The following CHN1 variants were observed in gnomAD, a reference collection of about 807,000 sequenced individuals.
CHN1 encodes the protein chimerin 1.
In CHN1, 37 loss-of-function variants were observed where a neutral mutation model predicts 59.5. The ratio of observed to expected loss-of-function variants is 0.62; its 90% CI spans 0.48 to 0.82. The LOEUF is 0.82. Ranked by LOEUF, CHN1 falls within the 40% of genes least tolerant of loss-of-function variation. The pLI is 0.00. For synonymous variants in CHN1, 206 were observed against 200.4 expected, an observed-to-expected ratio of 1.03 and a Z score of -0.24; for missense variants, 469 against 571.0, an observed-to-expected ratio of 0.82 and a Z score of 1.82.
At chr2:174,997,888 G>A (rs1211106649) in intron 1 of CHN1, among the ~76,000 whole-genome samples, 1 of 150,960 alleles carries the variant, frequency 6.6e-6, no homozygotes, top group Non-Finnish European at 1.5e-5. Context: ...TTGGGAGGCT[G>A]ATGCAGGAGA....
chr2:174,839,459 G>A (rs752491379), intron 7 of CHN1, among the ~76,000 whole-genome samples: 2 of 152,038 alleles, frequency 1.3e-5, no homozygotes, highest in Non-Finnish European at 2.9e-5. Flanking sequence ...CTTATATGAG[G>A]TATCTATAAT....
chr2:174,812,121 A>T, intron 9 of CHN1, 188 bp downstream of exon 9: 1 of 427,472 alleles, frequency 2.3e-6, no homozygotes. Context: ...AGTTAAATGT[A>T]CCTTGAAATC....
intron 7 of CHN1, among the ~76,000 whole-genome samples, chr2:174,844,323 T>C (rs952030523): frequency 2.0e-5 from 3 of 152,142 alleles, no homozygotes; most frequent in African/African-American, 7.2e-5. Flanking sequence ...TTAGGTCCAG[T>C]TGGTTTATTT....
intron 1 of CHN1, among the ~76,000 whole-genome samples, chr2:174,980,917 A>G (rs1006468024): frequency 4.6e-5 from 7 of 152,246 alleles, no homozygotes; most frequent in Non-Finnish European, 1.5e-5. Context: ...GCTAGAAACA[A>G]TAAAGTAAGA....
At chr2:174,961,499 GA>G (rs1690406702) in intron 1 of CHN1, among the ~76,000 whole-genome samples, 1 of 151,970 alleles carries the variant, frequency 6.6e-6, no homozygotes, top group Non-Finnish European at 1.5e-5. Flanking sequence ...GCTGAGGCAG[GA>G]GAATCGCTTG....
intron 5 of CHN1, among the ~76,000 whole-genome samples, chr2:174,900,651 C>T (rs1688358689): frequency 6.6e-6 from 1 of 151,760 alleles, no homozygotes; most frequent in South Asian, 2.1e-4. Context: ...ACTAAAAATA[C>T]AAAATTAGCC....
At chr2:174,815,637 TGGG>T (rs535090533) in intron 8 of CHN1, among the ~76,000 whole-genome samples, 237 of 151,920 alleles carry the variant, frequency 1.6e-3, no homozygotes, top group African/African-American at 5.2e-3. Flanking sequence ...AATTGCTTGT[TGGG>T]GGCATTTTTA....
intron 3 of CHN1, among the ~76,000 whole-genome samples, chr2:174,938,813 C>A (rs1689575519): frequency 6.6e-6 from 1 of 151,704 alleles, no homozygotes. Flanking sequence ...CCTTGCCCAC[C>A]AATTTAGTCA....
chr2:174,946,588 T>C (rs368898756), intron 2 of CHN1, among the ~76,000 whole-genome samples: 12 of 152,214 alleles, frequency 7.9e-5, no homozygotes, highest in African/African-American at 2.9e-4. Flanking sequence ...GTGAATATAG[T>C]TTTATATATT....
intron 6 of CHN1, among the ~76,000 whole-genome samples, chr2:174,851,615 T>C (rs1324658968): frequency 6.6e-6 from 1 of 152,174 alleles, no homozygotes; most frequent in African/African-American, 2.4e-5. Context: ...ATCAATTCTG[T>C]AGGTTCATCT....
chr2:174,835,334 T>A (rs1686038071), intron 7 of CHN1, among the ~76,000 whole-genome samples: 1 of 152,252 alleles, frequency 6.6e-6, no homozygotes. Context: ...AACACTGGTT[T>A]TCAGCAATTT....
At chr2:174,889,178 TA>T (rs1050121405) in intron 5 of CHN1, among the ~76,000 whole-genome samples, 1 of 152,080 alleles carries the variant, frequency 6.6e-6, no homozygotes, top group Non-Finnish European at 1.5e-5. Context: ...ACATCTCCCC[TA>T]AAAGGTTTTA....
At chr2:174,929,234 A>G (rs920675564) in intron 3 of CHN1, among the ~76,000 whole-genome samples, 1 of 152,222 alleles carries the variant, frequency 6.6e-6, no homozygotes, top group East Asian at 1.9e-4. Context: ...TACTAATTCA[A>G]TAAAGAATAT....
At chr2:174,869,148 G>T (rs1687322467) in intron 6 of CHN1, among the ~76,000 whole-genome samples, 1 of 152,146 alleles carries the variant, frequency 6.6e-6, no homozygotes, top group Non-Finnish European at 1.5e-5. Flanking sequence ...CTGCACCCAG[G>T]AATCCTCCCT....
At position 174,959,848 on chromosome 2, in the gene CHN1, C is replaced by T. The variant is rs138312532; in HGVS notation, c.20-7646G>A. 5.0e-4 allele frequency among the ~76,000 whole-genome samples: 76 copies of T among 152,312 alleles called. 1 individual carries two copies. In the East Asian group the frequency reaches 0.011, roughly 22 times the overall value. On this transcript the variant is annotated intron_variant, in intron 1 of 12. Coordinates refer to ENST00000409900, the MANE Select transcript of CHN1 (RefSeq NM_001822.7). ...AAGAAAATGAACTTTTAAAAAACTG[C>T]AATCTTGACCTTCAACTGCGGTGAC...
intron 6 of CHN1, among the ~76,000 whole-genome samples, chr2:174,855,841 C>T (rs1466129489): frequency 6.6e-6 from 1 of 152,040 alleles, no homozygotes; most frequent in East Asian, 1.9e-4. Flanking sequence ...GAAACAAAAG[C>T]TCTGATAAAT....
chr2:174,974,898 T>TACACACACACACAC (rs373940330), intron 1 of CHN1, among the ~76,000 whole-genome samples: 97 of 144,360 alleles, frequency 6.7e-4, no homozygotes, highest in African/African-American at 1.5e-3. Context: ...AAATAATTAA[T>TACACACACACACAC]ACACACACAC....
intron 7 of CHN1, among the ~76,000 whole-genome samples, chr2:174,841,837 G>C (rs908776500): frequency 1.3e-5 from 2 of 152,046 alleles, no homozygotes; most frequent in African/African-American, 4.8e-5. Flanking sequence ...AAGCATTCTA[G>C]ATTGTCATTT....
chr2:174,852,589 C>T (rs192161054), intron 6 of CHN1, among the ~76,000 whole-genome samples: 83 of 152,158 alleles, frequency 5.5e-4, no homozygotes, highest in African/African-American at 1.8e-3. Context: ...TTCTAAAATT[C>T]ATATGAAACC....
Sources: gnomAD v4.1 joint callset for allele counts (sites outside exome capture counted in the v4.1 genomes callset) on GRCh38, gnomAD v4.1.1 for gene constraint, MANE v1.5 for transcripts, NCBI Gene and HGNC (gene_info 2026-07-23, HGNC 2026-07-21) for gene names.